Variants in GSG1L observed in about 807,000 individuals in gnomAD.
GSG1L encodes the protein germ cell-specific gene 1-like protein.
Under a neutral mutation model 42.1 loss-of-function variants are expected in GSG1L, and 24 were observed. That is an observed-to-expected ratio of 0.57 (90% confidence interval 0.41 to 0.80). GSG1L has a LOEUF of 0.80. Among genes scored for constraint, GSG1L ranks in the 30% least tolerant of loss-of-function variants. GSG1L has a pLI of 0.00. For missense variants in GSG1L, 445 were observed against 472.2 expected, an observed-to-expected ratio of 0.94 and a Z score of 0.53; for synonymous variants, 215 against 203.5, an observed-to-expected ratio of 1.06 and a Z score of -0.48.
intron 6 of GSG1L, among the ~76,000 whole-genome samples, chr16:27,802,623 C>G (rs1389708965): frequency 1.1e-4 from 17 of 152,052 alleles, no homozygotes; most frequent in Non-Finnish European, 1.5e-5. Flanking sequence ...CCCCTGAACC[C>G]CCAGGAGGTT....
intron 3 of GSG1L, among the ~76,000 whole-genome samples, chr16:27,860,241 G>A (rs978732434): frequency 6.6e-6 from 1 of 152,212 alleles, no homozygotes; most frequent in Non-Finnish European, 1.5e-5. Flanking sequence ...CCAGGCTCAG[G>A]TGTGAAGCCA....
At chr16:28,060,011 C>T (rs115694741) in intron 1 of GSG1L, among the ~76,000 whole-genome samples, 302 of 152,154 alleles carry the variant, frequency 2.0e-3, no homozygotes, top group African/African-American at 7.1e-3. Context: ...GGCAAACAGG[C>T]GTTGGAGAGG....
intron 5 of GSG1L, among the ~76,000 whole-genome samples, chr16:27,808,844 G>C (rs539739197): frequency 1.3e-5 from 2 of 152,132 alleles, no homozygotes; most frequent in Non-Finnish European, 2.9e-5. Context: ...CAGCCTCTGC[G>C]GGGTGGCAGC....
intron 1 of GSG1L, among the ~76,000 whole-genome samples, chr16:27,991,634 A>C (rs1223634905): frequency 6.6e-6 from 1 of 151,574 alleles, no homozygotes; most frequent in Admixed American, 6.6e-5. Flanking sequence ...CAAACTCCTG[A>C]CCTCAGGTGA....
chr16:27,841,525 C>T (rs992920783), intron 4 of GSG1L, among the ~76,000 whole-genome samples: 5 of 152,210 alleles, frequency 3.3e-5, no homozygotes, highest in Non-Finnish European at 5.9e-5. Flanking sequence ...CTGTTCTCCT[C>T]TCCAGTACCG....
At chr16:27,996,918 G>A (rs1373129160) in intron 1 of GSG1L, among the ~76,000 whole-genome samples, 2 of 151,998 alleles carry the variant, frequency 1.3e-5, no homozygotes, top group East Asian at 1.9e-4. Context: ...GTGCCACCAC[G>A]CCAGGCCAAT....
chr16:27,931,994 T>C (rs746920657), intron 2 of GSG1L, among the ~76,000 whole-genome samples: 33 of 152,200 alleles, frequency 2.2e-4, no homozygotes, highest in Non-Finnish European at 2.2e-4. Context: ...CCGTCCTTCT[T>C]GGGGAACAGT....
chr16:27,909,394 T>G (rs1305520146), intron 2 of GSG1L, among the ~76,000 whole-genome samples: 3 of 147,824 alleles, frequency 2.0e-5, no homozygotes, highest in African/African-American at 7.5e-5. Context: ...TTTTTTTTTT[T>G]TTTTGACAGG....
chr16:27,961,399 T>A (rs1260562554), intron 2 of GSG1L, among the ~76,000 whole-genome samples: 3 of 152,142 alleles, frequency 2.0e-5, no homozygotes, highest in African/African-American at 7.2e-5. Flanking sequence ...GGACTGCACA[T>A]CCCAGAGGGC....
chr16:28,014,769 G>A (rs2085761426), intron 1 of GSG1L, among the ~76,000 whole-genome samples: 1 of 150,266 alleles, frequency 6.7e-6, no homozygotes, highest in African/African-American at 2.5e-5. Flanking sequence ...AAAGTGCTGG[G>A]ATTACAGGCA....
chr16:28,007,179 C>T lies in GSG1L; in HGVS notation c.350-43976G>A, dbSNP rs570416646. Among the ~76,000 whole-genome samples the T allele has an allele frequency of 5.3e-5, 8 of 152,186 alleles. No individual in the cohort carries two copies. In the South Asian group the frequency reaches 6.2e-4, roughly 12 times the overall value. On this transcript the variant is annotated intron_variant, in intron 1 of 6. Coordinates refer to ENST00000447459, the MANE Select transcript of GSG1L (RefSeq NM_001109763.2). ...TCTGCTGGGTGATGAAGATAAGGAT[C>T]GAGAGCTGGGGAGATTAGCCAGGAT...
intron 1 of GSG1L, among the ~76,000 whole-genome samples, chr16:28,016,515 T>G (rs911756399): frequency 1.3e-5 from 2 of 152,170 alleles, no homozygotes; most frequent in Non-Finnish European, 2.9e-5. Flanking sequence ...TTCCCTAGGT[T>G]CGGGGTCATC....
chr16:27,888,477 T>TTC (rs1567505838), intron 2 of GSG1L, among the ~76,000 whole-genome samples: 2 of 40,574 alleles, frequency 4.9e-5, no homozygotes, highest in African/African-American at 6.6e-5. Flanking sequence ...TCTCTCTCTC[T>TTC]CTTTCCTTTC....
At chr16:27,984,618 A>AT (rs1015234218) in intron 1 of GSG1L, among the ~76,000 whole-genome samples, 2 of 151,772 alleles carry the variant, frequency 1.3e-5, no homozygotes, top group Non-Finnish European at 2.9e-5. Flanking sequence ...TCAGGTTATA[A>AT]TTTTTTTTCT....
intron 2 of GSG1L, among the ~76,000 whole-genome samples, chr16:27,915,332 G>A (rs1214055488): frequency 6.6e-6 from 1 of 152,114 alleles, no homozygotes; most frequent in Non-Finnish European, 1.5e-5. Context: ...AGGGGAATTT[G>A]CCAGACTTTC....
chr16:27,890,996 G>A (rs1260945455), intron 2 of GSG1L, among the ~76,000 whole-genome samples: 1 of 152,180 alleles, frequency 6.6e-6, no homozygotes, highest in African/African-American at 2.4e-5. Flanking sequence ...CCACCTGCTG[G>A]CGCCTGTGTC....
In GSG1L at chr16:27,800,569, G is replaced by A. The variant is rs531833380; in HGVS notation, c.898+6918C>T. 1.7e-3 allele frequency among the ~76,000 whole-genome samples: 265 copies of A among 152,336 alleles called. 2 individuals are homozygous for A. The highest frequency in any genetic ancestry group is 6.3e-3 in the African/African-American group (260 of 41,568). On this transcript the variant is annotated intron_variant, in intron 6 of 6. Transcript: ENST00000447459. Reference sequence around the variant, plus strand: ...GTCACGTCTGATGTGCTCCTGAGCTGGCTGGTGGCGCCACAAAGCCCCAAA... The same window carrying A: ...GTCACGTCTGATGTGCTCCTGAGCTAGCTGGTGGCGCCACAAAGCCCCAAA...
chr16:27,938,530 C>T (rs2084746922), intron 2 of GSG1L, among the ~76,000 whole-genome samples: 1 of 152,106 alleles, frequency 6.6e-6, no homozygotes, highest in Non-Finnish European at 1.5e-5. Context: ...GAGCAGATGC[C>T]CTGCTGGAGA....
intron 1 of GSG1L, among the ~76,000 whole-genome samples, chr16:28,049,641 T>C (rs2086201020): frequency 6.6e-6 from 1 of 151,512 alleles, no homozygotes; most frequent in South Asian, 2.1e-4. Flanking sequence ...GAGCTGTGAT[T>C]GCACCACTGC....
Sources: allele counts gnomAD v4.1 joint callset (sites outside exome capture counted in the v4.1 genomes callset), GRCh38; gene constraint gnomAD v4.1.1; transcripts MANE v1.5; gene names NCBI Gene and HGNC (gene_info 2026-07-23, HGNC 2026-07-21).